MYH11: variants seen among roughly 807,000 people sequenced by gnomAD.
MYH11 encodes myosin heavy chain 11.
Under a neutral mutation model 246.6 loss-of-function variants are expected in MYH11, and 80 were observed. The observed-to-expected ratio is 0.32, with a 90% CI of 0.27 to 0.39. The LOEUF (loss-of-function observed/expected upper bound fraction) is 0.39, where lower values mean the gene tolerates loss of function less well. Among genes scored for constraint, MYH11 ranks in the 10% least tolerant of loss-of-function variants. The pLI, the probability that MYH11 is intolerant of heterozygous loss-of-function variation, is 1.00. For synonymous variants in MYH11, 1,071 were observed against 1,015.5 expected (o/e 1.05, Z -1.04); for missense variants, 2,158 against 2,546.8 (o/e 0.85, Z 3.29).
intron 8 of MYH11, chr16:15,775,823 A>G: frequency 1.1e-5 from 6 of 566,298 alleles, no homozygotes; most frequent in Middle Eastern, 9.5e-4. Flanking sequence ...TGAGACATGA[A>G]TCATTAATGA....
chr16:15,712,301 T>C (rs2039846719), intron 40 of MYH11, among the ~76,000 whole-genome samples: 1 of 152,048 alleles, frequency 6.6e-6, no homozygotes, highest in Non-Finnish European at 1.5e-5. Context: ...TAGATATACA[T>C]GGAATTCTAA....
intron 27 of MYH11, among the ~76,000 whole-genome samples, chr16:15,729,471 A>G (rs1393150222): frequency 1.3e-5 from 2 of 151,820 alleles, no homozygotes; most frequent in Non-Finnish European, 2.9e-5. Context: ...CTTGGCTTCT[A>G]GCTCCTGTTC....
chr16:15,806,079 C>T (rs371505936), intron 3 of MYH11, among the ~76,000 whole-genome samples: 3 of 146,030 alleles, frequency 2.1e-5, no homozygotes, highest in African/African-American at 5.5e-5. Context: ...GAGTTCAAGA[C>T]CAGCCTGGCC....
At position 15,785,994 on chromosome 16, in the gene MYH11, CCA is replaced by C. The variant is rs1240482911; in HGVS notation, c.633+634_633+635del. 7.7e-5 allele frequency: 15 copies of C among 195,132 alleles called. No homozygotes were observed. The East Asian group carries it at 1.8e-3, about 23-fold the overall frequency. 12.1% of individuals were successfully genotyped at this position (195,132 alleles called of 1,614,324 possible). On this transcript the variant is annotated intron_variant, in intron 5 of 40. Coordinates refer to ENST00000300036, the MANE Select transcript of MYH11 (RefSeq NM_002474.3). ...TCCTGGCATACAGTAGGTGCTCAATCCACAGTTACTGAATGGCATTGCACTGA... is the reference window on the plus strand; with the variant it reads ...TCCTGGCATACAGTAGGTGCTCAATCCAGTTACTGAATGGCATTGCACTGA...
chr16:15,723,524 A>C (rs925652788), intron 31 of MYH11, among the ~76,000 whole-genome samples: 1 of 152,154 alleles, frequency 6.6e-6, no homozygotes, highest in Non-Finnish European at 1.5e-5. Context: ...GTGTGCTCCT[A>C]TAATCCCGGC....
chr16:15,832,838 T>C (rs215594), intron 2 of MYH11, among the ~76,000 whole-genome samples: 122,250 of 151,730 alleles, frequency 0.81, 49,715 homozygotes, highest in African/African-American at 0.91. Context: ...CTACTAATCA[T>C]AGGTAGTCAC....
At position 15,763,695 on chromosome 16, in the gene MYH11, C is replaced by CCCAGATA; in HGVS notation, c.1129+94_1129+100dup. 3.0e-6 allele frequency: 3 copies of CCCAGATA among 1,016,724 alleles called. No individual in the cohort carries two copies. The South Asian group carries it at 3.9e-5, about 13-fold the overall frequency. The allele number at this position is 1,016,724 out of a possible 1,614,324, so 63.0% of individuals were successfully genotyped here. A position where few individuals can be genotyped will look rare whatever the true frequency, so the allele number is the denominator to read the frequency against. Reference sequence around the variant, plus strand: ...AACCTAGTCCAACTGTTGTTAAAATCCCAGATACCTTCACCTTGAAAAATA... The same window carrying CCCAGATA: ...AACCTAGTCCAACTGTTGTTAAAATCCCAGATACCAGATACCTTCACCTTGAAAAATA... On this transcript the variant is annotated intron_variant, in intron 10 of 40. Transcript: ENST00000300036.
intron 12 of MYH11, among the ~76,000 whole-genome samples, chr16:15,758,957 CTG>C (rs1201955168): frequency 6.9e-6 from 1 of 145,048 alleles, no homozygotes; most frequent in African/African-American, 2.7e-5. Flanking sequence ...GAGCAAGACT[CTG>C]TCTCAAAAAA....
At chr16:15,821,281 T>C (rs2043403550) in intron 3 of MYH11, among the ~76,000 whole-genome samples, 1 of 152,236 alleles carries the variant, frequency 6.6e-6, no homozygotes, top group Non-Finnish European at 1.5e-5. Context: ...GTGATCTTTT[T>C]CTGGAACGAA....
intron 2 of MYH11, among the ~76,000 whole-genome samples, chr16:15,834,996 G>T (rs148614961): frequency 2.0e-5 from 3 of 147,816 alleles, no homozygotes; most frequent in Non-Finnish European, 4.4e-5. Flanking sequence ...TGAGAGGATC[G>T]TTTGAATCCA....
intron 27 of MYH11, among the ~76,000 whole-genome samples, chr16:15,728,015 G>A (rs2040848611): frequency 1.3e-5 from 2 of 152,232 alleles, no homozygotes; most frequent in South Asian, 4.1e-4. Flanking sequence ...GATCACTTGA[G>A]GTGAGGAGTT....
chr16:15,705,697 C>T (rs1447143358), intron 40 of MYH11, among the ~76,000 whole-genome samples: 1 of 152,054 alleles, frequency 6.6e-6, no homozygotes, highest in Admixed American at 6.6e-5. Context: ...AAAGGAACAA[C>T]TCGGCTGGGC....
chr16:15,796,876 T>C lies in MYH11; in HGVS notation c.530+1784A>G, dbSNP rs139646624. 2.4e-3 allele frequency among the ~76,000 whole-genome samples: 367 copies of C among 152,258 alleles called. 2 individuals carry two copies. Among genetic ancestry groups the C allele is most frequent in the African/African-American group, 8.5e-3 (355 of 41,556 alleles). ...CTAGGAAACCAAGTCGGCAGGTTGT[T>C]TTAGCATTTATATCCTCATAGCTAG... is the stretch of plus-strand genomic sequence containing the variant. On this transcript the variant is annotated intron_variant, in intron 4 of 40. Coordinates refer to ENST00000300036, the MANE Select transcript of MYH11 (RefSeq NM_002474.3).
intron 9 of MYH11, among the ~76,000 whole-genome samples, chr16:15,766,778 G>T (rs1405084400): frequency 1.3e-5 from 2 of 152,196 alleles, no homozygotes; most frequent in East Asian, 3.8e-4. Flanking sequence ...ATAGTTAAAT[G>T]TAATTCCAGA....
chr16:15,784,435 GA>G (rs2042421774), intron 5 of MYH11, among the ~76,000 whole-genome samples: 1 of 152,160 alleles, frequency 6.6e-6, no homozygotes, highest in African/African-American at 2.4e-5. Flanking sequence ...CTGAACCGGA[GA>G]AATCCATTTC....
At chr16:15,814,416 G>A (rs1315338955) in intron 3 of MYH11, among the ~76,000 whole-genome samples, 1 of 151,608 alleles carries the variant, frequency 6.6e-6, no homozygotes, top group African/African-American at 2.4e-5. Flanking sequence ...AGCCGGGTGT[G>A]GTGGCGGATG....
At chr16:15,776,009 C>T in intron 8 of MYH11, 69 bp downstream of exon 8, 5 of 1,195,228 alleles carry the variant, frequency 4.2e-6, no homozygotes, top group Non-Finnish European at 5.0e-6. Context: ...TAGCCAATCC[C>T]TTAACCCCGG....
intron 2 of MYH11, 92 bp downstream of exon 2, chr16:15,837,816 T>C: frequency 8.3e-7 from 1 of 1,204,810 alleles, no homozygotes; most frequent in Non-Finnish European, 1.2e-6. Context: ...AGTACAGGCA[T>C]GAGCCACTGT....
chr16:15,728,886 T>G (rs1424763666), intron 27 of MYH11, among the ~76,000 whole-genome samples: 1 of 150,352 alleles, frequency 6.7e-6, no homozygotes, highest in Non-Finnish European at 1.5e-5. Flanking sequence ...GGCGACAGAG[T>G]GAGACTTTGT....
Sources: allele counts gnomAD v4.1 joint callset (sites outside exome capture counted in the v4.1 genomes callset), GRCh38; gene constraint gnomAD v4.1.1; transcripts MANE v1.5; gene names NCBI Gene and HGNC (gene_info 2026-07-23, HGNC 2026-07-21).